Variants in AFG2A observed in about 807,000 individuals in gnomAD.
AFG2A encodes ATPase family gene 2 protein homolog A.
the AFG2A span, among the ~76,000 whole-genome samples, chr4:122,938,835 T>G: frequency 2.0e-5 from 3 of 152,026 alleles, no homozygotes; most frequent in African/African-American, 7.2e-5. Flanking sequence ...TACCTTGTCA[T>G]CTACCCGCCT....
At chr4:123,135,742 A>G in the AFG2A span, among the ~76,000 whole-genome samples, 9 of 152,238 alleles carry the variant, frequency 5.9e-5, no homozygotes. Flanking sequence ...TGCAAATACT[A>G]TGCCATTTTA....
the AFG2A span, among the ~76,000 whole-genome samples, chr4:123,073,117 A>G: frequency 0.012 from 1,833 of 152,094 alleles, 41 homozygotes; most frequent in African/African-American, 0.041. Context: ...ATTAATTATC[A>G]TAACCATGCT....
the AFG2A span, among the ~76,000 whole-genome samples, chr4:123,299,117 ATGTGTGTGTG>A: frequency 1.3e-3 from 190 of 147,222 alleles, no homozygotes; most frequent in African/African-American, 4.3e-3. Context: ...GCATCTGCCA[ATGTGTGTGTG>A]TGTGTGTGTG....
At chr4:123,165,963 A>C in the AFG2A span, among the ~76,000 whole-genome samples, 3,282 of 152,326 alleles carry the variant, frequency 0.022, 64 homozygotes, top group Non-Finnish European at 0.035. Context: ...TTCACATAGC[A>C]TAAGAATTTC....
At chr4:123,179,985 T>G in the AFG2A span, among the ~76,000 whole-genome samples, 1 of 152,128 alleles carries the variant, frequency 6.6e-6, no homozygotes. Context: ...TTTAGGAGGC[T>G]GAGGCGGGAA....
the AFG2A span, among the ~76,000 whole-genome samples, chr4:123,130,517 C>T: frequency 6.6e-6 from 1 of 152,014 alleles, no homozygotes; most frequent in African/African-American, 2.4e-5. Flanking sequence ...TGTAATCATG[C>T]ACATGTCATC....
chr4:123,250,761 T>G, the AFG2A span, among the ~76,000 whole-genome samples: 1 of 152,196 alleles, frequency 6.6e-6, no homozygotes, highest in African/African-American at 2.4e-5. Context: ...AACATGGCCT[T>G]GGAGCCATAG....
chr4:123,159,090 G>T, the AFG2A span, among the ~76,000 whole-genome samples: 42 of 152,284 alleles, frequency 2.8e-4, no homozygotes, highest in East Asian at 7.9e-3. Context: ...TTGTTAGGAA[G>T]AATTATAATT....
the AFG2A span, among the ~76,000 whole-genome samples, chr4:123,066,988 C>A: frequency 6.6e-6 from 1 of 152,020 alleles, no homozygotes; most frequent in Admixed American, 6.6e-5. Context: ...AGATGAGTTT[C>A]CTTAGAGAGA....
the AFG2A span, among the ~76,000 whole-genome samples, chr4:123,044,431 G>A: frequency 6.6e-6 from 1 of 152,008 alleles, no homozygotes. Context: ...TCTCATTAGG[G>A]CATTGTCTCA....
chr4:123,062,284 C>T, the AFG2A span, among the ~76,000 whole-genome samples: 1 of 152,114 alleles, frequency 6.6e-6, no homozygotes, highest in African/African-American at 2.4e-5. Flanking sequence ...ATGTAAACAT[C>T]ATAGAGTATA....
chr4:123,037,422 A>T, the AFG2A span, among the ~76,000 whole-genome samples: 3 of 152,104 alleles, frequency 2.0e-5, no homozygotes, highest in African/African-American at 7.2e-5. Context: ...TAACTCAATT[A>T]ATGGTACTTA....
the AFG2A span, among the ~76,000 whole-genome samples, chr4:123,179,921 C>T: frequency 6.6e-5 from 10 of 151,980 alleles, no homozygotes; most frequent in African/African-American, 2.4e-4. Flanking sequence ...TAATAAAGAA[C>T]TTAGTAGTAT....
chr4:122,944,538 T>G, the AFG2A span, among the ~76,000 whole-genome samples: 5 of 152,220 alleles, frequency 3.3e-5, no homozygotes, highest in Non-Finnish European at 7.3e-5. Flanking sequence ...TACATTCGCC[T>G]AAATTTTTTT....
chr4:122,948,523 G>A, the AFG2A span, among the ~76,000 whole-genome samples: 3 of 151,960 alleles, frequency 2.0e-5, no homozygotes, highest in African/African-American at 4.8e-5. Flanking sequence ...AGGGAGAAGT[G>A]TAAACTGGAG....
chr4:123,194,592 A>T, the AFG2A span, among the ~76,000 whole-genome samples: 79,519 of 151,702 alleles, frequency 0.52, 24,164 homozygotes, highest in Non-Finnish European at 0.67. Context: ...ATGAAATGAT[A>T]TGAAGTTATA....
At chr4:123,155,922 C>T in the AFG2A span, among the ~76,000 whole-genome samples, 1 of 152,054 alleles carries the variant, frequency 6.6e-6, no homozygotes, top group Non-Finnish European at 1.5e-5. Flanking sequence ...TTAGTCCGTT[C>T]TTGCACTGCT....
At chr4:122,925,526 G>A in the AFG2A span, among the ~76,000 whole-genome samples, 13 of 152,220 alleles carry the variant, frequency 8.5e-5, no homozygotes, top group East Asian at 2.1e-3. Flanking sequence ...ATACTCTCCT[G>A]AGGATGCGCC....
the AFG2A span, chr4:122,938,370 C>CTAT: frequency 9.0e-7 from 1 of 1,111,756 alleles, no homozygotes; most frequent in Non-Finnish European, 1.2e-6. Context: ...AAAATATTAG[C>CTAT]CATAGCAACT....
Sources: gnomAD v4.1 joint callset for allele counts (sites outside exome capture counted in the v4.1 genomes callset) on GRCh38, gnomAD v4.1.1 for gene constraint, MANE v1.5 for transcripts, NCBI Gene and HGNC (gene_info 2026-07-23, HGNC 2026-07-21) for gene names.